The following KIF26B variants were observed in gnomAD, a reference collection of about 807,000 sequenced individuals.
The protein encoded by KIF26B is kinesin family member 26B.
A neutral mutation model predicts 151.2 loss-of-function variants in KIF26B; 63 were observed. That is an observed-to-expected ratio of 0.42 (90% CI 0.34 to 0.51). The LOEUF (loss-of-function observed/expected upper bound fraction) is 0.51. Ranked by LOEUF, KIF26B falls within the 20% of genes least tolerant of loss-of-function variation. The pLI is 0.07. For synonymous variants in KIF26B, 1,357 were observed against 1,262.1 expected (o/e 1.08, Z -1.59); for missense variants, 2,813 against 2,913.6 (o/e 0.97, Z 0.79).
At chr1:245,626,176 A>G (rs1051640671) in intron 9 of KIF26B, among the ~76,000 whole-genome samples, 15 of 152,126 alleles carry the variant, frequency 9.9e-5, no homozygotes, top group African/African-American at 3.1e-4. Flanking sequence ...TTGCGAATAG[A>G]GCTGTGATAA....
At chr1:245,523,255 T>G (rs527282189) in intron 4 of KIF26B, among the ~76,000 whole-genome samples, 60 of 152,338 alleles carry the variant, frequency 3.9e-4, no homozygotes, top group Non-Finnish European at 8.1e-4. Context: ...ACTAAATAAA[T>G]GCTTGCTAAA....
At chr1:245,291,651 C>G (rs999887744) in intron 2 of KIF26B, among the ~76,000 whole-genome samples, 1 of 152,186 alleles carries the variant, frequency 6.6e-6, no homozygotes, top group Admixed American at 6.5e-5. Flanking sequence ...CTGTTCTCCA[C>G]TGGGAAAGAT....
intron 5 of KIF26B, among the ~76,000 whole-genome samples, chr1:245,559,821 C>T (rs2042922349): frequency 6.6e-6 from 1 of 152,024 alleles, no homozygotes; most frequent in African/African-American, 2.4e-5. Flanking sequence ...GCTGGGATTA[C>T]AGGCGTGAGC....
chr1:245,168,054 C>G (rs1374401281), intron 2 of KIF26B, among the ~76,000 whole-genome samples: 1 of 152,162 alleles, frequency 6.6e-6, no homozygotes, highest in Non-Finnish European at 1.5e-5. Flanking sequence ...ACCTAGCTGG[C>G]CTGTGCTTGA....
At chr1:245,282,234 G>GA (rs1277242634) in intron 2 of KIF26B, among the ~76,000 whole-genome samples, 1 of 151,972 alleles carries the variant, frequency 6.6e-6, no homozygotes, top group Non-Finnish European at 1.5e-5. Context: ...CACAGAATTG[G>GA]AAAAAACTAC....
At chr1:245,363,650 G>A (rs1189119606) in intron 2 of KIF26B, among the ~76,000 whole-genome samples, 1 of 152,198 alleles carries the variant, frequency 6.6e-6, no homozygotes, top group East Asian at 1.9e-4. Context: ...ATAAGCACTT[G>A]ATTTACTGAG....
intron 2 of KIF26B, among the ~76,000 whole-genome samples, chr1:245,316,280 C>T (rs1671773775): frequency 6.6e-6 from 1 of 152,004 alleles, no homozygotes; most frequent in South Asian, 2.1e-4. Context: ...CGCCACCATG[C>T]CTGGCTAATT....
intron 5 of KIF26B, among the ~76,000 whole-genome samples, chr1:245,594,236 T>G (rs982855212): frequency 2.0e-5 from 3 of 152,188 alleles, no homozygotes; most frequent in African/African-American, 4.8e-5. Context: ...ACATGAAGTC[T>G]TTGCCCATGC....
chr1:245,519,643 T>A (rs115558215), intron 4 of KIF26B, among the ~76,000 whole-genome samples: 2,177 of 152,282 alleles, frequency 0.014, 49 homozygotes, highest in African/African-American at 0.049. Context: ...TTAGGTGATT[T>A]TGTTGTTGTT....
intron 2 of KIF26B, among the ~76,000 whole-genome samples, chr1:245,231,598 T>C (rs942983387): frequency 1.3e-5 from 2 of 152,320 alleles, no homozygotes; most frequent in South Asian, 2.1e-4. Flanking sequence ...AGTTTCTACA[T>C]GCATCTGGGA....
chr1:245,490,323 T>A (rs2103073501), intron 4 of KIF26B, among the ~76,000 whole-genome samples: 1 of 147,392 alleles, frequency 6.8e-6, no homozygotes, highest in South Asian at 2.3e-4. Context: ...TTTTTTTTTT[T>A]TTTTTTTGAG....
chr1:245,261,496 TCTCTCTCC>T lies in KIF26B; in HGVS notation c.465+104817_465+104824del, dbSNP rs1422151462. On this transcript the variant is annotated intron_variant, in intron 2 of 14. Transcript: ENST00000407071. ...CTCTCTCTCTCTCTCTCTCTCTCTC[TCTCTCTCC>T]CTCCCTCCCTCCCTCCCTCTCTCTC... Among the ~76,000 whole-genome samples, 370 of 70,590 alleles carry T rather than the reference TCTCTCTCC, an allele frequency of 5.2e-3. 1 individual carries two copies. Among genetic ancestry groups the T allele is most frequent in the African/African-American group, 0.018 (265 of 14,636 alleles). 46.3% of individuals were successfully genotyped at this position (70,590 alleles called of 152,430 possible).
rs1342836916 is a variant in KIF26B at position 245,166,276 on chromosome 1, T to C, written c.465+9593T>C. Among the ~76,000 whole-genome samples the C allele has an allele frequency of 1.3e-5, 2 of 152,178 alleles. No individual in the cohort carries two copies. Among genetic ancestry groups the C allele is most frequent in the Non-Finnish European group, 2.9e-5 (2 of 68,012 alleles). ...CCTTCCTTCCCTCCTTCCTTCCCTC[T>C]TTCCTTCCTTTTTTCCTTCCTTCCT... On this transcript the variant is annotated intron_variant, in intron 2 of 14. Transcript: ENST00000407071. This position sits in a 1 kb window ranked among gnomAD's most constrained non-coding sequence, Gnocchi z 4.5.
intron 2 of KIF26B, among the ~76,000 whole-genome samples, chr1:245,344,835 C>T (rs546948999): frequency 6.6e-6 from 1 of 151,188 alleles, no homozygotes; most frequent in Admixed American, 6.6e-5. Context: ...GACAACTTGA[C>T]TTTTTAGCTC....
At chr1:245,622,409 T>C (rs963336586) in intron 9 of KIF26B, among the ~76,000 whole-genome samples, 5 of 152,188 alleles carry the variant, frequency 3.3e-5, no homozygotes, top group African/African-American at 1.2e-4. Flanking sequence ...AGATTAGCCT[T>C]AGGACAGTGG....
At chr1:245,611,736 G>C in intron 8 of KIF26B, 57 bp from the exon 9 acceptor site, 1 of 1,552,910 alleles carries the variant, frequency 6.4e-7, no homozygotes, top group Non-Finnish European at 8.7e-7. Flanking sequence ...ACCCAGGCAT[G>C]AGTGACAGCA....
At chr1:245,402,568 T>C (rs999864644) in intron 3 of KIF26B, among the ~76,000 whole-genome samples, 1 of 152,152 alleles carries the variant, frequency 6.6e-6, no homozygotes, top group Admixed American at 6.5e-5. Flanking sequence ...TAAACTAGAG[T>C]GAGTGCGATC....
chr1:245,357,184 G>C (rs1055751730), intron 2 of KIF26B, among the ~76,000 whole-genome samples: 1 of 152,202 alleles, frequency 6.6e-6, no homozygotes, highest in African/African-American at 2.4e-5. Context: ...TGGGGCGGGG[G>C]CCAGGGGAGG....
chr1:245,696,968 G>A (rs974819025), intron 12 of KIF26B, among the ~76,000 whole-genome samples: 4 of 152,130 alleles, frequency 2.6e-5, no homozygotes, highest in African/African-American at 7.2e-5. Flanking sequence ...AAAATTAGCC[G>A]TGCGTGGTAG....
Sources: gnomAD v4.1 joint callset for allele counts (sites outside exome capture counted in the v4.1 genomes callset) on GRCh38, gnomAD v4.1.1 for gene constraint, Gnocchi (gnomAD v3.1) non-coding constraint, MANE v1.5 for transcripts, NCBI Gene and HGNC (gene_info 2026-07-23, HGNC 2026-07-21) for gene names.